Variants in CREB5 observed in about 807,000 individuals in gnomAD.
CREB5 encodes cyclic AMP-responsive element-binding protein 5.
In CREB5, 19 loss-of-function variants were observed where a neutral mutation model predicts 57.1. That is an observed-to-expected ratio of 0.33 (90% CI 0.23 to 0.49). CREB5 has a LOEUF of 0.49. Ranked by LOEUF, CREB5 falls within the 20% of genes least tolerant of loss-of-function variation. The probability of loss-of-function intolerance (pLI) is 0.99; values close to 1 mark genes in which losing one functional copy is unlikely to be tolerated. For missense variants in CREB5, 579 were observed against 671.6 expected (o/e 0.86, Z 1.52); for synonymous variants, 238 against 238.3 (o/e 1.00, Z 0.01).
At chr7:28,586,764 C>G (rs541381786) in intron 5 of CREB5, among the ~76,000 whole-genome samples, 25 of 152,190 alleles carry the variant, frequency 1.6e-4, no homozygotes, top group Non-Finnish European at 2.4e-4. Context: ...TAAGCAAACT[C>G]CAGTAATAAT....
chr7:28,415,978 A>C (rs1788007938), intron 1 of CREB5, among the ~76,000 whole-genome samples: 1 of 152,136 alleles, frequency 6.6e-6, no homozygotes, highest in Admixed American at 6.5e-5. Context: ...TTGAGGTTTG[A>C]CTGGCAAAAC....
chr7:28,696,282 C>T (rs1331490174), intron 5 of CREB5, among the ~76,000 whole-genome samples: 1 of 152,206 alleles, frequency 6.6e-6, no homozygotes, highest in East Asian at 1.9e-4. Context: ...TGCTGGGGCT[C>T]ATATGTCTGC....
At chr7:28,805,473 G>A (rs1808661886) in intron 8 of CREB5, among the ~76,000 whole-genome samples, 1 of 152,090 alleles carries the variant, frequency 6.6e-6, no homozygotes, top group South Asian at 2.1e-4. Context: ...TCGGAAGCAT[G>A]GAACCGCCAA....
At chr7:28,673,657 CTTTTTTTTT>C (rs549391329) in intron 5 of CREB5, among the ~76,000 whole-genome samples, 7 of 55,728 alleles carry the variant, frequency 1.3e-4, no homozygotes, top group African/African-American at 2.9e-4. Flanking sequence ...CTCTCTCTCT[CTTTTTTTTT>C]TTTTTTTTTT....
intron 7 of CREB5, among the ~76,000 whole-genome samples, chr7:28,774,322 G>T (rs974179338): frequency 2.6e-5 from 4 of 152,144 alleles, no homozygotes; most frequent in South Asian, 2.1e-4. Context: ...GCATTCATTT[G>T]TCAGGGCCAT....
At chr7:28,627,794 G>A (rs901862103) in intron 5 of CREB5, among the ~76,000 whole-genome samples, 2 of 151,984 alleles carry the variant, frequency 1.3e-5, no homozygotes, top group African/African-American at 4.8e-5. Context: ...ACAAACCTCA[G>A]GGCATTCATT....
rs760177845 is a variant in CREB5, at chr7:28,412,924, A to T, written c.3+7A>T. ...TTTTATTCTACAGATAATGGTAAGG[A>T]TGATGTTTATTATGCATATTAAACA... On this transcript the variant is annotated splice_region_variant and intron_variant, in intron 1 of 10. Transcript: ENST00000357727. 1 of 1,478,204 alleles carries T rather than the reference A, an allele frequency of 6.8e-7. No homozygotes were observed. The highest frequency in any genetic ancestry group is 2.2e-5 in the Admixed American group (1 of 44,938). The allele number at this position is 1,478,204 out of a possible 1,614,324, so 91.6% of individuals were successfully genotyped here. A position where few individuals can be genotyped will look rare whatever the true frequency, so the allele number is the denominator to read the frequency against.
intron 4 of CREB5, among the ~76,000 whole-genome samples, chr7:28,527,411 A>AAAT (rs1345530261): frequency 6.6e-6 from 1 of 152,184 alleles, no homozygotes; most frequent in African/African-American, 2.4e-5. Context: ...CTACAAATAC[A>AAAT]AATTCTGAAG....
chr7:28,784,041 G>A (rs1393397003), intron 7 of CREB5, among the ~76,000 whole-genome samples: 2 of 152,186 alleles, frequency 1.3e-5, no homozygotes, highest in African/African-American at 2.4e-5. Flanking sequence ...TCTGAAAGTG[G>A]CCCCTGCAAG....
intron 7 of CREB5, among the ~76,000 whole-genome samples, chr7:28,728,353 T>C (rs955178033): frequency 6.6e-6 from 1 of 152,228 alleles, no homozygotes; most frequent in African/African-American, 2.4e-5. Flanking sequence ...AACAAAGCTT[T>C]TGATCACAAC....
intron 5 of CREB5, among the ~76,000 whole-genome samples, chr7:28,602,948 G>T (rs369063624): frequency 6.6e-6 from 1 of 152,304 alleles, no homozygotes; most frequent in East Asian, 1.9e-4. Context: ...TATGCAAGAT[G>T]TTACCATTGG....
chr7:28,777,136 G>A (rs1330110000), intron 7 of CREB5, among the ~76,000 whole-genome samples: 3 of 152,140 alleles, frequency 2.0e-5, no homozygotes, highest in East Asian at 1.9e-4. Flanking sequence ...TTTTCAAAGC[G>A]ACTGAACCAT....
intron 1 of CREB5, among the ~76,000 whole-genome samples, chr7:28,424,886 T>G (rs147468578): frequency 1.3e-5 from 2 of 152,232 alleles, no homozygotes; most frequent in African/African-American, 4.8e-5. Flanking sequence ...GTGCTTCCTT[T>G]GCTTTGCACA....
chr7:28,337,485 A>G (rs539948217), intron 1 of CREB5, among the ~76,000 whole-genome samples: 2 of 151,856 alleles, frequency 1.3e-5, no homozygotes, highest in African/African-American at 2.4e-5. Flanking sequence ...TCATCTTGCA[A>G]TTTATTTAGT....
chr7:28,558,469 C>T (rs1794959037), intron 4 of CREB5, among the ~76,000 whole-genome samples: 1 of 152,230 alleles, frequency 6.6e-6, no homozygotes, highest in Admixed American at 6.5e-5. Context: ...TCTCTTTTCT[C>T]TATTGTTTTG....
At chr7:28,686,555 A>G (rs527254708) in intron 5 of CREB5, among the ~76,000 whole-genome samples, 1 of 151,798 alleles carries the variant, frequency 6.6e-6, no homozygotes, top group South Asian at 2.1e-4. Flanking sequence ...AGCGAGAAAG[A>G]GCAAACTCGG....
chr7:28,506,691 TTTTA>T (rs1307355749), intron 3 of CREB5, among the ~76,000 whole-genome samples: 3 of 152,236 alleles, frequency 2.0e-5, no homozygotes, highest in African/African-American at 7.2e-5. Flanking sequence ...ATTTACACAA[TTTTA>T]TTTGTCTCAA....
chr7:28,761,900 G>A (rs899114788), intron 7 of CREB5, among the ~76,000 whole-genome samples: 6 of 152,130 alleles, frequency 3.9e-5, no homozygotes, highest in African/African-American at 1.4e-4. Flanking sequence ...GATCCTGCTT[G>A]CTTTGGGAAG....
chr7:28,561,017 CGTGTGT>C (rs1182301327), intron 4 of CREB5, among the ~76,000 whole-genome samples: 6 of 30,456 alleles, frequency 2.0e-4, no homozygotes, highest in African/African-American at 5.8e-4. Flanking sequence ...TGTGTGTGTG[CGTGTGT>C]GCGTGTGTGT....
Sources: gnomAD v4.1 joint callset for allele counts (sites outside exome capture counted in the v4.1 genomes callset) on GRCh38, gnomAD v4.1.1 for gene constraint, MANE v1.5 for transcripts, NCBI Gene and HGNC (gene_info 2026-07-23, HGNC 2026-07-21) for gene names.